Variants in ANKS1B observed in about 807,000 individuals in gnomAD.
The protein encoded by ANKS1B is ankyrin repeat and sterile alpha motif domain containing 1B.
ANKS1B carries 36 observed loss-of-function variants against 148.3 expected under a neutral mutation model. The observed-to-expected ratio is 0.24, with a 90% CI of 0.19 to 0.32. The LOEUF (loss-of-function observed/expected upper bound fraction) is 0.32, where lower values mean the gene tolerates loss of function less well. Among genes scored for constraint, ANKS1B ranks in the 10% least tolerant of loss-of-function variants. The probability of loss-of-function intolerance (pLI) is 1.00; values close to 1 mark genes in which losing one functional copy is unlikely to be tolerated. For missense variants in ANKS1B, 1,157 were observed against 1,542.6 expected (o/e 0.75, Z 4.19); for synonymous variants, 542 against 560.8 (o/e 0.97, Z 0.47).
At chr12:99,308,565 A>G (rs1266572794) in intron 12 of ANKS1B, among the ~76,000 whole-genome samples, 1 of 151,978 alleles carries the variant, frequency 6.6e-6, no homozygotes, top group East Asian at 1.9e-4. Flanking sequence ...TTGATAGCTG[A>G]CAAAGCAAGT....
intron 9 of ANKS1B, among the ~76,000 whole-genome samples, chr12:99,594,695 C>G (rs186246862): frequency 6.6e-6 from 1 of 151,876 alleles, no homozygotes; most frequent in Non-Finnish European, 1.5e-5. Flanking sequence ...AGAGTAGAAT[C>G]GTGGTTGGTA....
chr12:99,106,141 T>C (rs1283440352), intron 15 of ANKS1B, among the ~76,000 whole-genome samples: 2 of 152,224 alleles, frequency 1.3e-5, no homozygotes, highest in East Asian at 3.8e-4. Context: ...ATTGGTACTA[T>C]CTGAGGACGA....
At position 98,801,136 on chromosome 12, in the gene ANKS1B, C is replaced by T. The variant is rs1489602369; in HGVS notation, c.3142-11G>A. On this transcript the variant is annotated splice_polypyrimidine_tract_variant and intron_variant, in intron 20 of 26. Coordinates refer to ENST00000683438, the MANE Select transcript of ANKS1B (RefSeq NM_001352186.2). This position sits in a 1 kb window ranked among gnomAD's most constrained non-coding sequence, Gnocchi z 5.2. The stretch of plus-strand genomic sequence containing the variant: ...TCCCCAGTCTCCTGTCTGAAAATGA[C>T]ATTTATTCTAGAGGCAATATGAGCA... The T allele has an allele frequency of 6.2e-7, 1 of 1,610,842 alleles. No homozygotes were observed. Among genetic ancestry groups the T allele is most frequent in the Non-Finnish European group, 8.5e-7 (1 of 1,178,400 alleles).
chr12:99,573,316 A>T (rs1388833934), intron 9 of ANKS1B, among the ~76,000 whole-genome samples: 1 of 152,096 alleles, frequency 6.6e-6, no homozygotes, highest in African/African-American at 2.4e-5. Flanking sequence ...CACTTATTAA[A>T]TTGCTGTACT....
intron 17 of ANKS1B, among the ~76,000 whole-genome samples, chr12:98,950,136 C>G (rs2099851866): frequency 6.6e-6 from 1 of 152,208 alleles, no homozygotes. Context: ...AGGTCAGGTT[C>G]AAGTAGTAAC....
intron 12 of ANKS1B, among the ~76,000 whole-genome samples, chr12:99,372,681 C>G (rs2093203909): frequency 6.6e-6 from 1 of 152,122 alleles, no homozygotes; most frequent in Non-Finnish European, 1.5e-5. Flanking sequence ...CATCCATACA[C>G]ACACTCACGC....
chr12:99,620,141 A>G (rs1045554030), intron 9 of ANKS1B, among the ~76,000 whole-genome samples: 4 of 152,218 alleles, frequency 2.6e-5, no homozygotes, highest in African/African-American at 9.6e-5. Flanking sequence ...AAGCAAAGCC[A>G]AAACACCCTA....
rs11109682 is a variant in ANKS1B at position 98,956,600 on chromosome 12, T to C, written c.2778+96557A>G. Reference sequence around the variant, plus strand: ...TTGGCCAGATTATACTACCTGTAGTTAGTTAACTTATTCATTCAATTTTCA... The same window carrying C: ...TTGGCCAGATTATACTACCTGTAGTCAGTTAACTTATTCATTCAATTTTCA... On this transcript the variant is annotated intron_variant, in intron 17 of 26. Transcript: ENST00000683438. Among the ~76,000 whole-genome samples, 1,260 of 151,800 alleles carry C rather than the reference T, an allele frequency of 8.3e-3. 30 individuals are homozygous for C. Among genetic ancestry groups the C allele is most frequent in the African/African-American group, 0.029 (1,196 of 41,386 alleles).
At chr12:98,897,676 T>C (rs1218959372) in intron 17 of ANKS1B, among the ~76,000 whole-genome samples, 2 of 152,196 alleles carry the variant, frequency 1.3e-5, no homozygotes, top group African/African-American at 2.4e-5. Flanking sequence ...CAAAGAGCTA[T>C]AAACAGAACT....
chr12:98,914,844 T>C (rs1209394120), intron 17 of ANKS1B, among the ~76,000 whole-genome samples: 1 of 152,184 alleles, frequency 6.6e-6, no homozygotes, highest in African/African-American at 2.4e-5. Flanking sequence ...CTATTTGAAA[T>C]AGACTTCCCT....
intron 8 of ANKS1B, among the ~76,000 whole-genome samples, chr12:99,696,528 TA>T (rs899977628): frequency 3.9e-4 from 57 of 147,592 alleles, no homozygotes; most frequent in Admixed American, 5.4e-4. Flanking sequence ...CATCCACATG[TA>T]AAAAAAAAAA....
At position 98,751,648 on chromosome 12, in the gene ANKS1B, G is replaced by A. The variant is rs763029388; in HGVS notation, c.3580-126C>T. ...GAACTACTTCACCAGAGGCAGCAGC[G>A]ATTCGGTGGAAATCTACAAAGAACA... On this transcript the variant is annotated intron_variant, in intron 25 of 26. Coordinates refer to ENST00000683438, the MANE Select transcript of ANKS1B (RefSeq NM_001352186.2). The surrounding 1 kb of genome is among the most constrained non-coding windows in gnomAD (Gnocchi z 4.3). The A allele has an allele frequency of 1.4e-4, 124 of 872,472 alleles. No individual in the cohort carries two copies. The highest frequency in any genetic ancestry group is 2.2e-4 in the Non-Finnish European group (119 of 547,372). The allele number at this position is 872,472 out of a possible 1,614,324, so 54.0% of individuals were successfully genotyped here.
At chr12:98,762,194 T>G (rs1461772668) in intron 25 of ANKS1B, among the ~76,000 whole-genome samples, 1 of 152,184 alleles carries the variant, frequency 6.6e-6, no homozygotes, top group Non-Finnish European at 1.5e-5. Flanking sequence ...ACAGAGTCCC[T>G]GGATCACCTG....
intron 11 of ANKS1B, among the ~76,000 whole-genome samples, chr12:99,422,092 T>C (rs111839425): frequency 1.3e-5 from 2 of 152,312 alleles, no homozygotes; most frequent in African/African-American, 4.8e-5. Flanking sequence ...CTGTTTTCTT[T>C]ATAAATTACC....
chr12:99,041,304 T>G (rs1353966706), intron 17 of ANKS1B, among the ~76,000 whole-genome samples: 2 of 151,970 alleles, frequency 1.3e-5, no homozygotes, highest in East Asian at 1.9e-4. Flanking sequence ...GAGCGAAGAG[T>G]GGATGTGCAA....
At chr12:99,140,202 C>A (rs754856516) in intron 15 of ANKS1B, among the ~76,000 whole-genome samples, 2 of 152,146 alleles carry the variant, frequency 1.3e-5, no homozygotes, top group Non-Finnish European at 1.5e-5. Context: ...CAGTACTCTG[C>A]GAACAACCTG....
chr12:99,070,735 G>C (rs1234889908), intron 16 of ANKS1B, among the ~76,000 whole-genome samples: 3 of 152,182 alleles, frequency 2.0e-5, no homozygotes, highest in Non-Finnish European at 4.4e-5. Flanking sequence ...CTGGAGTGCA[G>C]TGGTGGGATC....
chr12:99,012,734 T>C (rs1036341806), intron 17 of ANKS1B, among the ~76,000 whole-genome samples: 4 of 152,188 alleles, frequency 2.6e-5, no homozygotes, highest in Non-Finnish European at 4.4e-5. Context: ...CTGACTTTGC[T>C]TATATTAGTT....
chr12:99,142,138 G>A (rs1566404045), intron 15 of ANKS1B, among the ~76,000 whole-genome samples: 1 of 151,928 alleles, frequency 6.6e-6, no homozygotes, highest in Non-Finnish European at 1.5e-5. Context: ...GGCGGAAGCA[G>A]GGAGGGCTAC....
Sources: gnomAD v4.1 joint callset for allele counts (sites outside exome capture counted in the v4.1 genomes callset) on GRCh38, gnomAD v4.1.1 for gene constraint, Gnocchi (gnomAD v3.1) non-coding constraint, MANE v1.5 for transcripts, NCBI Gene and HGNC (gene_info 2026-07-23, HGNC 2026-07-21) for gene names.